SOX5: variants seen among roughly 807,000 people sequenced by gnomAD.
SOX5 encodes transcription factor SOX-5.
SOX5 carries 9 observed loss-of-function variants against 92.0 expected under a neutral mutation model. The ratio of observed to expected loss-of-function variants is 0.10; its 90% confidence interval spans 0.06 to 0.17. The LOEUF is 0.17. SOX5 is among the 10% of genes least tolerant of loss of function. The probability of loss-of-function intolerance (pLI) is 1.00; values close to 1 mark genes in which losing one functional copy is unlikely to be tolerated. For missense variants in SOX5, 642 were observed against 944.5 expected (o/e 0.68, Z 4.20); for synonymous variants, 344 against 336.3 (o/e 1.02, Z -0.25).
At chr12:24,465,347 G>A (rs964286794) in intron 1 of SOX5, among the ~76,000 whole-genome samples, 12 of 152,156 alleles carry the variant, frequency 7.9e-5, no homozygotes, top group Admixed American at 7.9e-4. Flanking sequence ...TGTTCCAAGT[G>A]CCTTTACACA....
intron 4 of SOX5, among the ~76,000 whole-genome samples, chr12:24,112,834 C>T (rs1417978083): frequency 6.6e-6 from 1 of 151,962 alleles, no homozygotes; most frequent in Non-Finnish European, 1.5e-5. Context: ...GCCACCATGA[C>T]TGCCCTAAGG....
chr12:24,103,114 A>G (rs1363651585), intron 4 of SOX5, among the ~76,000 whole-genome samples: 1 of 152,212 alleles, frequency 6.6e-6, no homozygotes, highest in Admixed American at 6.5e-5. Context: ...ACACACTGTT[A>G]TTGCAAAGTT....
chr12:24,553,312 T>G (rs1021755173), intron 1 of SOX5, among the ~76,000 whole-genome samples: 7 of 152,194 alleles, frequency 4.6e-5, no homozygotes, highest in African/African-American at 1.7e-4. Context: ...CTTGTTCATC[T>G]GTGAAAAGGT....
chr12:23,685,377 G>C (rs974326166), intron 6 of SOX5, among the ~76,000 whole-genome samples: 6 of 151,004 alleles, frequency 4.0e-5, no homozygotes, highest in African/African-American at 1.5e-4. Flanking sequence ...CTGAAAACCA[G>C]AAAAGAGCTC....
rs1280980592 is a variant in SOX5 at position 23,845,977 on chromosome 12, C to G, written c.481+6G>C. 6.2e-7 allele frequency: 1 copy of G among 1,611,692 alleles called. No individual in the cohort carries two copies. The highest frequency in any genetic ancestry group is 1.7e-5 in the Admixed American group (1 of 60,014). On this transcript the variant is annotated splice_donor_region_variant and intron_variant, in intron 3 of 14. Transcript: ENST00000451604. The stretch of plus-strand genomic sequence containing the variant: ...CATCAACTTTGTTTTCTCTTCCAGC[C>G]TTTACCTTCCGGCTCGTTTTTGATG...
intron 1 of SOX5, among the ~76,000 whole-genome samples, chr12:24,522,709 A>G (rs1950367188): frequency 6.6e-6 from 1 of 152,196 alleles, no homozygotes; most frequent in South Asian, 2.1e-4. Flanking sequence ...ATTTGACAAA[A>G]TTCAACACCC....
intron 6 of SOX5, among the ~76,000 whole-genome samples, chr12:23,681,541 G>T (rs1183647574): frequency 6.6e-6 from 1 of 151,414 alleles, no homozygotes; most frequent in Non-Finnish European, 1.5e-5. Context: ...TGAAAAAGAT[G>T]AAAAAACATC....
chr12:23,710,431 C>T (rs1435047608), intron 6 of SOX5, among the ~76,000 whole-genome samples: 2 of 152,098 alleles, frequency 1.3e-5, no homozygotes, highest in East Asian at 3.9e-4. Flanking sequence ...TGATGTTCCC[C>T]TTCCTGTGTC....
At chr12:24,252,593 T>C (rs1159635876) in intron 3 of SOX5, among the ~76,000 whole-genome samples, 1 of 151,688 alleles carries the variant, frequency 6.6e-6, no homozygotes, top group Non-Finnish European at 1.5e-5. Context: ...CATCTAAAAA[T>C]ATACCTCTTT....
chr12:24,052,910 T>C (rs1957700446), intron 4 of SOX5, among the ~76,000 whole-genome samples: 1 of 152,210 alleles, frequency 6.6e-6, no homozygotes, highest in African/African-American at 2.4e-5. Context: ...AATTCCTTAT[T>C]ACAAGTTCAG....
upstream of SOX5, chr12:23,949,789 T>A: frequency 3.9e-6 from 2 of 517,800 alleles, no homozygotes; most frequent in Non-Finnish European, 3.2e-6. Context: ...TCTCTCTCTC[T>A]CTCTTTCTCC....
chr12:23,907,041 C>A (rs973111424), intron 1 of SOX5, among the ~76,000 whole-genome samples: 1 of 151,976 alleles, frequency 6.6e-6, no homozygotes, highest in Non-Finnish European at 1.5e-5. Flanking sequence ...CAGGGACAAT[C>A]TTTTCTGCTT....
At chr12:23,650,963 A>G (rs1391010862) in intron 7 of SOX5, among the ~76,000 whole-genome samples, 1 of 152,150 alleles carries the variant, frequency 6.6e-6, no homozygotes, top group Non-Finnish European at 1.5e-5. Context: ...GAAGGAGAGC[A>G]GAGAATAGCT....
intron 1 of SOX5, among the ~76,000 whole-genome samples, chr12:24,410,660 A>T (rs1423413358): frequency 1.3e-5 from 2 of 152,076 alleles, no homozygotes; most frequent in African/African-American, 4.8e-5. Flanking sequence ...TTTTTCCTCC[A>T]TTGATATAAG....
At chr12:23,539,020 T>C (rs1179972349) in intron 13 of SOX5, among the ~76,000 whole-genome samples, 2 of 151,788 alleles carry the variant, frequency 1.3e-5, no homozygotes, top group African/African-American at 4.8e-5. Context: ...TTAGCCAGGA[T>C]GGTGTCAATC....
chr12:24,234,691 AC>A (rs1459001880), intron 3 of SOX5, among the ~76,000 whole-genome samples: 1 of 152,030 alleles, frequency 6.6e-6, no homozygotes, highest in Non-Finnish European at 1.5e-5. Context: ...CCAAAATAAC[AC>A]CTTTTGATGG....
intron 4 of SOX5, among the ~76,000 whole-genome samples, chr12:24,075,130 G>A (rs564189912): frequency 2.7e-4 from 41 of 151,672 alleles, no homozygotes; most frequent in African/African-American, 8.0e-4. Context: ...TTAGCTGAGC[G>A]TGGTGGTGCT....
chr12:24,524,338 C>CCCAT (rs1183229693), intron 1 of SOX5, among the ~76,000 whole-genome samples: 2 of 120,468 alleles, frequency 1.7e-5, no homozygotes, highest in African/African-American at 6.3e-5. Flanking sequence ...TAAATCCCCT[C>CCCAT]CCATCTATCT....
At chr12:24,128,454 G>A (rs1949323037) in intron 4 of SOX5, among the ~76,000 whole-genome samples, 1 of 152,148 alleles carries the variant, frequency 6.6e-6, no homozygotes, top group South Asian at 2.1e-4. Context: ...AACAAACATG[G>A]TGAAATGCTA....
Sources: allele counts gnomAD v4.1 joint callset (sites outside exome capture counted in the v4.1 genomes callset), GRCh38; gene constraint gnomAD v4.1.1; transcripts MANE v1.5; gene names NCBI Gene and HGNC (gene_info 2026-07-23, HGNC 2026-07-21).